DNPEP: variants seen among roughly 807,000 people sequenced by gnomAD.
DNPEP encodes aspartyl aminopeptidase.
DNPEP carries 46 observed loss-of-function variants against 59.1 expected under a neutral mutation model. The ratio of observed to expected loss-of-function variants is 0.78; its 90% CI spans 0.61 to 0.99. The LOEUF is 0.99. DNPEP is among the 50% of genes least tolerant of loss of function. The pLI is 0.00. For synonymous variants in DNPEP, 229 were observed against 242.2 expected (o/e 0.95, Z 0.50); for missense variants, 617 against 649.9 (o/e 0.95, Z 0.55).
Position 219,374,068 on chromosome 2 carries a change from A to G in DNPEP, c.*224T>C. The G allele has an allele frequency of 1.9e-6, 1 of 531,354 alleles. No homozygotes were observed. Among genetic ancestry groups the G allele is most frequent in the Non-Finnish European group, 3.4e-6 (1 of 296,430 alleles). 32.9% of individuals were successfully genotyped at this position (531,354 alleles called of 1,614,324 possible). On this transcript the variant is annotated 3_prime_UTR_variant, in exon 15 of 15. Transcript: ENST00000273075. ...AGACAGAGAAGAGATTTAAAACCAG[A>G]TTTAAAACCATCAGCTCCCAGGAGT...
rs201204134 is a variant in DNPEP at position 219,381,390 on chromosome 2, G to A, written c.1184C>T (p.Ala395Val). 1.1e-5 allele frequency: 18 copies of A among 1,614,082 alleles called. No homozygotes were observed. Among genetic ancestry groups the A allele is most frequent in the Admixed American group, 3.3e-5 (2 of 60,002 alleles). Residue 395 changes from alanine (A) to valine (V), a missense_variant, in exon 13 of 15, where the codon GCG becomes GTG. Ala to Val is a moderately conservative substitution (Grantham distance 64, BLOSUM62 0). Coordinates refer to ENST00000273075, the MANE Select transcript of DNPEP (RefSeq NM_012100.4). ...VNSKQRYASNAVSEALIREVA... is the reference protein window; with the variant it reads ...VNSKQRYASNVVSEALIREVA... ...CTCTCGGATCAGGGCCTCTGACACCGCGTTTGAAGCATAGCGTTGCTTGCT... is the reference window on the plus strand; with the variant it reads ...CTCTCGGATCAGGGCCTCTGACACCACGTTTGAAGCATAGCGTTGCTTGCT...
At chr2:219,378,026 T>A (rs1316164274) in intron 13 of DNPEP, among the ~76,000 whole-genome samples, 3 of 152,102 alleles carry the variant, frequency 2.0e-5, no homozygotes, top group Non-Finnish European at 4.4e-5. Context: ...AATATCATTT[T>A]AAAAAAGTGT....
rs1335241287 is a variant in DNPEP, at chr2:219,387,146, C to G, written c.54G>C (p.Lys18Asn). 1 of 1,562,232 alleles carries G rather than the reference C, an allele frequency of 6.4e-7. No homozygotes were observed. Among genetic ancestry groups the G allele is most frequent in the East Asian group, 2.4e-5 (1 of 42,016 alleles). ...RGAMQVAMNG[K>N]ARKEAVQTAA... ...CAGTCTGCACCGCCTCTTTGCGGGC[C>G]TTACCGTTCATGGCCACCTAGGGGA... Residue 18 changes from lysine (K) to asparagine (N), a missense_variant, in exon 2 of 15, where the codon AAG (lysine) becomes AAC (asparagine). By Grantham distance (94) the Lys-to-Asn change is moderately conservative. Coordinates refer to ENST00000273075, the MANE Select transcript of DNPEP (RefSeq NM_012100.4).
rs1574964445 is a variant in DNPEP at position 219,373,154 on chromosome 2, C to T, written c.*1138G>A. On this transcript the variant is annotated 3_prime_UTR_variant, in exon 15 of 15. Transcript: ENST00000273075. ...CAGGATCTTGGCTCACCACAACCTC[C>T]GCCTCCTGGGTTCAAGCGATTCTCC... Among the ~76,000 whole-genome samples, 2 of 151,896 alleles carry T rather than the reference C, an allele frequency of 1.3e-5. No individual in the cohort carries two copies. Among genetic ancestry groups the T allele is most frequent in the Admixed American group, 1.3e-4 (2 of 15,254 alleles).
chr2:219,399,449 C>T (rs773090573), intron 1 of DNPEP: 1 of 460,356 alleles, frequency 2.2e-6, no homozygotes, highest in South Asian at 1.5e-5. Flanking sequence ...CCTGAAACTC[C>T]TGATTTGGAA....
At position 219,394,157 on chromosome 2, in the gene DNPEP, C is replaced by T. The variant is rs144069244; in HGVS notation, c.-158+5783G>A. Reference sequence around the variant, plus strand: ...GTCTTATGTTTTCCCGATTCCTCTCCTCCCATTCTCTTGTAAATCCTCTAG... The same window carrying T: ...GTCTTATGTTTTCCCGATTCCTCTCTTCCCATTCTCTTGTAAATCCTCTAG... On this transcript the variant is annotated intron_variant, in intron 1 of 6. Coordinates refer to the DNPEP transcript ENST00000434339. Among the ~76,000 whole-genome samples, 929 of 152,276 alleles carry T rather than the reference C, an allele frequency of 6.1e-3. 3 individuals carry two copies. The highest frequency in any genetic ancestry group is 9.9e-3 in the South Asian group (48 of 4,828).
At chr2:219,398,135 T>TA (rs1954128447) in intron 1 of DNPEP, among the ~76,000 whole-genome samples, 2 of 152,292 alleles carry the variant, frequency 1.3e-5, no homozygotes, top group South Asian at 4.1e-4. Context: ...CTCATAATGT[T>TA]ATGAGGAGTA....
chr2:219,377,223 G>A (rs769946864), intron 13 of DNPEP, among the ~76,000 whole-genome samples: 11 of 127,092 alleles, frequency 8.7e-5, no homozygotes, highest in African/African-American at 1.2e-4. Context: ...GCAATGAGCC[G>A]AGATCACGCC....
chr2:219,374,818 A>T, intron 14 of DNPEP, 37 bp downstream of exon 14: 1 of 1,598,620 alleles, frequency 6.3e-7, no homozygotes, highest in Non-Finnish European at 8.6e-7. Flanking sequence ...GAGGGGAAGC[A>T]GCCCAGCTGC....
chr2:219,375,751 G>A (rs1574968836), intron 13 of DNPEP, among the ~76,000 whole-genome samples: 2 of 152,196 alleles, frequency 1.3e-5, no homozygotes, highest in East Asian at 3.9e-4. Context: ...CAGTAGAGAC[G>A]AGATTTTGCC....
Position 219,399,752 on chromosome 2 carries a change from T to G in DNPEP, c.-158+188A>C, listed in dbSNP as rs1241282824. 7.1e-6 allele frequency: 6 copies of G among 844,784 alleles called. No individual in the cohort carries two copies. The South Asian group carries it at 7.9e-5, about 11-fold the overall frequency. 52.3% of individuals were successfully genotyped at this position (844,784 alleles called of 1,614,324 possible). On this transcript the variant is annotated intron_variant, in intron 1 of 6. Coordinates refer to the DNPEP transcript ENST00000434339. ...GCAGACTGAGAGCAGGGGACCCTAT[T>G]TCATTCATCTCTTTATCCCCATAAT...
intron 13 of DNPEP, among the ~76,000 whole-genome samples, chr2:219,379,314 C>T (rs991550861): frequency 4.0e-5 from 6 of 151,852 alleles, no homozygotes; most frequent in African/African-American, 1.5e-4. Context: ...ACATTGTTAT[C>T]ATGGTAGATA....
Position 219,382,151 on chromosome 2 carries a change from A to G in DNPEP, c.937-12T>C. On this transcript the variant is annotated splice_polypyrimidine_tract_variant and intron_variant, in intron 10 of 14. Transcript: ENST00000273075. ...CTCTCAGACCCCACCTGGCGACAGT[A>G]GAGTCCTGACTCTGGGAATCTGGGC... 2 of 1,606,282 alleles carry G rather than the reference A, an allele frequency of 1.2e-6. No individual in the cohort carries two copies. Among genetic ancestry groups the G allele is most frequent in the South Asian group, 2.2e-5 (2 of 91,020 alleles).
At chr2:219,386,525 G>T in intron 4 of DNPEP, 114 bp from the exon 5 acceptor site, 1 of 1,516,372 alleles carries the variant, frequency 6.6e-7, no homozygotes, top group Non-Finnish European at 9.0e-7. Flanking sequence ...AAAGGCTCAA[G>T]GTGTGAAGGA....
intron 14 of DNPEP, 34 bp from the exon 15 acceptor site, chr2:219,374,376 G>GTT: frequency 6.3e-7 from 1 of 1,597,686 alleles, no homozygotes; most frequent in South Asian, 1.1e-5. Flanking sequence ...TTTGGAATTA[G>GTT]TGAGTGACCA....
Position 219,382,203 on chromosome 2 carries a change from G to A in DNPEP, c.937-64C>T, listed in dbSNP as rs573255964. The A allele has an allele frequency of 3.2e-6, 5 of 1,553,634 alleles. No homozygotes were observed. In the East Asian group the frequency reaches 6.8e-5, roughly 21 times the overall value. The stretch of plus-strand genomic sequence containing the variant: ...TAGGGGCCTGATCTTGGAAGCCAGT[G>A]AGAGGGGCCCATTGCCCAACTGGCC... On this transcript the variant is annotated intron_variant, in intron 10 of 14. Transcript: ENST00000273075.
At chr2:219,390,174 TTGA>T (rs138625991), upstream of DNPEP, among the ~76,000 whole-genome samples, 2,024 of 152,206 alleles carry the variant, frequency 0.013, 28 homozygotes, top group South Asian at 0.072. Context: ...AAGTGAGACA[TTGA>T]TGAGCTATTA....
At chr2:219,380,520 C>A (rs922028033) in intron 13 of DNPEP, among the ~76,000 whole-genome samples, 8 of 152,092 alleles carry the variant, frequency 5.3e-5, no homozygotes, top group African/African-American at 1.7e-4. Context: ...ACACGCCTGG[C>A]CTTCTGTACC....
At chr2:219,379,192 C>A (rs1410423505) in intron 13 of DNPEP, among the ~76,000 whole-genome samples, 9 of 151,892 alleles carry the variant, frequency 5.9e-5, no homozygotes, top group African/African-American at 2.2e-4. Context: ...GCTGGGATTA[C>A]AGGCATGAGC....
Sources: allele counts gnomAD v4.1 joint callset (sites outside exome capture counted in the v4.1 genomes callset), GRCh38; gene constraint gnomAD v4.1.1; transcripts MANE v1.5; gene names NCBI Gene and HGNC (gene_info 2026-07-23, HGNC 2026-07-21).